Variants in SLC60A1 observed in about 807,000 individuals in gnomAD.
The protein encoded by SLC60A1 is major facilitator superfamily domain containing 4.
At chr1:205,597,969 G>C in the SLC60A1 span, 1 of 1,037,216 alleles carries the variant, frequency 9.6e-7, no homozygotes, top group African/African-American at 1.6e-5. Flanking sequence ...CTCCAGCAAA[G>C]CCAGCAGGGC....
chr1:205,591,059 T>G, the SLC60A1 span, among the ~76,000 whole-genome samples: 1 of 152,240 alleles, frequency 6.6e-6, no homozygotes, highest in Non-Finnish European at 1.5e-5. Context: ...AATCTTGTGC[T>G]GCCTGGGTTT....
the SLC60A1 span, chr1:205,579,802 G>C: frequency 2.2e-5 from 35 of 1,614,046 alleles, no homozygotes; most frequent in Non-Finnish European, 2.9e-5. Flanking sequence ...CCATCTCCCT[G>C]GTGTTTGCCG....
At chr1:205,569,359 C>A in the SLC60A1 span, 1 of 1,252,604 alleles carries the variant, frequency 8.0e-7, no homozygotes. Flanking sequence ...CTCGCCGGGC[C>A]GACCCTTCCC....
chr1:205,580,347 G>A, the SLC60A1 span, among the ~76,000 whole-genome samples: 1 of 152,184 alleles, frequency 6.6e-6, no homozygotes, highest in Non-Finnish European at 1.5e-5. The surrounding 1 kb of genome is among the most constrained non-coding windows in gnomAD (Gnocchi z 5.0). Flanking sequence ...TTAGCTGGTG[G>A]ATGCTAACAT....
At chr1:205,573,005 GT>G in the SLC60A1 span, among the ~76,000 whole-genome samples, 1 of 152,198 alleles carries the variant, frequency 6.6e-6, no homozygotes, top group South Asian at 2.1e-4. Flanking sequence ...TGGATGCCTT[GT>G]TGTTCCAGCT....
At chr1:205,575,946 G>T in the SLC60A1 span, among the ~76,000 whole-genome samples, 1 of 152,146 alleles carries the variant, frequency 6.6e-6, no homozygotes, top group African/African-American at 2.4e-5. Flanking sequence ...GCTTTGCCTG[G>T]GTTGGGAGCC....
chr1:205,600,599 A>G, the SLC60A1 span: 1 of 755,624 alleles, frequency 1.3e-6, no homozygotes, highest in East Asian at 2.7e-5. Flanking sequence ...TTGGTTGGGT[A>G]GAGGAAATTA....
At chr1:205,595,947 T>C in the SLC60A1 span, among the ~76,000 whole-genome samples, 13 of 151,860 alleles carry the variant, frequency 8.6e-5, no homozygotes, top group African/African-American at 2.4e-4. Context: ...AGTAGCTTCA[T>C]AGAGGGGATG....
chr1:205,599,282 G>A, the SLC60A1 span: 2 of 1,611,496 alleles, frequency 1.2e-6, no homozygotes, highest in Non-Finnish European at 1.7e-6. Context: ...TACACAAGAG[G>A]AGGAAAACAG....
At chr1:205,599,372 T>A in the SLC60A1 span, 2 of 1,225,282 alleles carry the variant, frequency 1.6e-6, no homozygotes, top group Non-Finnish European at 2.2e-6. Context: ...CCAAGTAAAA[T>A]GCAAGGAAAT....
At chr1:205,577,998 G>A in the SLC60A1 span, among the ~76,000 whole-genome samples, 2 of 152,180 alleles carry the variant, frequency 1.3e-5, no homozygotes, top group Non-Finnish European at 2.9e-5. This position sits in a 1 kb window ranked among gnomAD's most constrained non-coding sequence, Gnocchi z 5.2. Context: ...ATACCTCTGC[G>A]CAGCCCCTGC....
chr1:205,579,770 G>A, the SLC60A1 span: 1 of 1,614,078 alleles, frequency 6.2e-7, no homozygotes, highest in East Asian at 2.2e-5. Context: ...GTCACTATGG[G>A]CCCTGTTCAC....
the SLC60A1 span, chr1:205,600,584 A>G: frequency 1.1e-6 from 1 of 914,874 alleles, no homozygotes; most frequent in African/African-American, 1.7e-5. Context: ...CTTCTCCACT[A>G]AAACTTGGTT....
chr1:205,577,270 C>T, the SLC60A1 span, among the ~76,000 whole-genome samples: 15 of 151,710 alleles, frequency 9.9e-5, no homozygotes, highest in African/African-American at 3.2e-4. This position sits in a 1 kb window ranked among gnomAD's most constrained non-coding sequence, Gnocchi z 5.2. Context: ...ACTCCCACAT[C>T]GGCCTCCCAG....
At chr1:205,578,037 G>A in the SLC60A1 span, among the ~76,000 whole-genome samples, 8 of 152,174 alleles carry the variant, frequency 5.3e-5, no homozygotes, top group Non-Finnish European at 8.8e-5. Context: ...CCCAGGTCCC[G>A]TTCCCCTCAG....
the SLC60A1 span, among the ~76,000 whole-genome samples, chr1:205,571,033 A>G: frequency 2.0e-5 from 3 of 152,204 alleles, no homozygotes; most frequent in Non-Finnish European, 4.4e-5. Context: ...CAGGCAGCAG[A>G]GAGAACCCTG....
At chr1:205,584,008 C>T in the SLC60A1 span, 15 of 1,613,942 alleles carry the variant, frequency 9.3e-6, no homozygotes, top group Non-Finnish European at 1.3e-5. Context: ...GGCTGCTGAC[C>T]TGCTGTCCCC....
chr1:205,599,363 C>A, the SLC60A1 span: 1 of 1,310,892 alleles, frequency 7.6e-7, no homozygotes, highest in Non-Finnish European at 1.0e-6. Context: ...TGCTCTGTTC[C>A]AAGTAAAATG....
At chr1:205,595,894 A>ATG in the SLC60A1 span, among the ~76,000 whole-genome samples, 4 of 152,170 alleles carry the variant, frequency 2.6e-5, no homozygotes, top group African/African-American at 9.7e-5. Context: ...GTGCTGCTGG[A>ATG]ATTCAGGGAA....
Sources: gnomAD v4.1 joint callset for allele counts (sites outside exome capture counted in the v4.1 genomes callset) on GRCh38, gnomAD v4.1.1 for gene constraint, Gnocchi (gnomAD v3.1) non-coding constraint, MANE v1.5 for transcripts, NCBI Gene and HGNC (gene_info 2026-07-23, HGNC 2026-07-21) for gene names.